ITGA9: variants seen among roughly 807,000 people sequenced by gnomAD.
ITGA9 encodes the protein integrin subunit alpha 9.
ITGA9 carries 56 observed loss-of-function variants against 127.8 expected under a neutral mutation model. That is an observed-to-expected ratio of 0.44 (90% CI 0.35 to 0.55). ITGA9 has a LOEUF of 0.55. Among genes scored for constraint, ITGA9 ranks in the 20% least tolerant of loss-of-function variants. The pLI is 0.00. For synonymous variants in ITGA9, 508 were observed against 514.5 expected, an observed-to-expected ratio of 0.99 and a Z score of 0.17; for missense variants, 1,196 against 1,347.1, an observed-to-expected ratio of 0.89 and a Z score of 1.76.
intron 23 of ITGA9, among the ~76,000 whole-genome samples, chr3:37,763,347 A>C (rs190892497): frequency 2.0e-5 from 3 of 152,270 alleles, no homozygotes; most frequent in African/African-American, 7.2e-5. Context: ...TGCAATGAGA[A>C]TTTCTTTGCC....
chr3:37,571,219 C>T (rs1469529560), intron 15 of ITGA9, among the ~76,000 whole-genome samples: 4 of 146,280 alleles, frequency 2.7e-5, no homozygotes, highest in Non-Finnish European at 6.2e-5. Flanking sequence ...GGCAGCGTAT[C>T]ACACACTAGT....
chr3:37,764,170 A>G, intron 23 of ITGA9, among the ~76,000 whole-genome samples: 1 of 152,138 alleles, frequency 6.6e-6, no homozygotes, highest in East Asian at 1.9e-4. Flanking sequence ...AGAGAAGTTG[A>G]GCTATTACCT....
At chr3:37,571,687 C>T (rs1283139376) in intron 15 of ITGA9, among the ~76,000 whole-genome samples, 8 of 152,128 alleles carry the variant, frequency 5.3e-5, no homozygotes, top group Non-Finnish European at 1.0e-4. Context: ...CCTGGGACCA[C>T]ACTCTGAGAT....
At chr3:37,748,255 C>G (rs1387871364) in intron 22 of ITGA9, 1 of 492,366 alleles carries the variant, frequency 2.0e-6, no homozygotes, top group East Asian at 4.9e-5. Flanking sequence ...GGGTACTGTT[C>G]AAAAAGGAAG....
At chr3:37,515,348 G>C (rs1478448299) in intron 9 of ITGA9, among the ~76,000 whole-genome samples, 1 of 152,206 alleles carries the variant, frequency 6.6e-6, no homozygotes, top group Non-Finnish European at 1.5e-5. Flanking sequence ...TCCCAGTTGG[G>C]AGAGGGCAGA....
intron 18 of ITGA9, among the ~76,000 whole-genome samples, chr3:37,711,381 T>A (rs1288596750): frequency 1.3e-5 from 2 of 152,158 alleles, no homozygotes; most frequent in Admixed American, 6.5e-5. Context: ...TTCCATGACC[T>A]CTCAGAAGTC....
intron 1 of ITGA9, among the ~76,000 whole-genome samples, chr3:37,458,216 G>T (rs1265409233): frequency 6.6e-6 from 1 of 152,204 alleles, no homozygotes; most frequent in Non-Finnish European, 1.5e-5. Context: ...GGGGAACTGA[G>T]GCTTACAGAG....
chr3:37,549,579 A>G (rs548283089), intron 15 of ITGA9, among the ~76,000 whole-genome samples: 1 of 152,292 alleles, frequency 6.6e-6, no homozygotes, highest in South Asian at 2.1e-4. Flanking sequence ...CCCTTTTAAC[A>G]CTGGTATTCT....
chr3:37,526,046 A>G lies in ITGA9; in HGVS notation c.1348A>G (p.Met450Val), dbSNP rs1410303150. 1 of 1,614,050 alleles carries G rather than the reference A, an allele frequency of 6.2e-7. No homozygotes were observed. Among genetic ancestry groups the G allele is most frequent in the Admixed American group, 1.7e-5 (1 of 60,014 alleles). ...GYPDVTVGAF[M>V]SDSVVLLRAR... ...TTCAGATGTCACTGTTGGAGCCTTC[A>G]TGTCCGACAGCGTGGTTCTTCTCAG... The change falls in exon 13 of 28, where the codon ATG becomes GTG. Residue 450 changes from methionine to valine, a missense_variant. Met to Val is a conservative substitution (Grantham distance 21). Coordinates refer to ENST00000264741, the MANE Select transcript of ITGA9 (RefSeq NM_002207.3).
intron 15 of ITGA9, among the ~76,000 whole-genome samples, chr3:37,572,754 T>C (rs75190749): frequency 0.017 from 2,639 of 152,288 alleles, 76 homozygotes; most frequent in African/African-American, 0.058. Context: ...ATGCTAACAG[T>C]GTACATTCTA....
At chr3:37,571,987 C>T (rs1304681275) in intron 15 of ITGA9, among the ~76,000 whole-genome samples, 1 of 151,934 alleles carries the variant, frequency 6.6e-6, no homozygotes, top group Non-Finnish European at 1.5e-5. Flanking sequence ...GAATTCTGGG[C>T]TAGTGGGGAT....
chr3:37,695,665 G>A (rs1700877742), intron 18 of ITGA9, among the ~76,000 whole-genome samples: 1 of 152,204 alleles, frequency 6.6e-6, no homozygotes, highest in African/African-American at 2.4e-5. Flanking sequence ...TGTGATGTGT[G>A]GTGGCCTCTG....
chr3:37,667,303 C>A (rs1260973521), intron 17 of ITGA9, among the ~76,000 whole-genome samples: 1 of 152,168 alleles, frequency 6.6e-6, no homozygotes, highest in Non-Finnish European at 1.5e-5. Flanking sequence ...CTATTGCATT[C>A]GTCTGGACCC....
intron 23 of ITGA9, among the ~76,000 whole-genome samples, chr3:37,777,111 T>C (rs1696917209): frequency 6.6e-6 from 1 of 152,244 alleles, no homozygotes; most frequent in South Asian, 2.1e-4. Context: ...AGGCTTATTT[T>C]ACTCCTTAAG....
At chr3:37,549,609 T>A (rs1699360714) in intron 15 of ITGA9, among the ~76,000 whole-genome samples, 1 of 152,246 alleles carries the variant, frequency 6.6e-6, no homozygotes, top group Non-Finnish European at 1.5e-5. Flanking sequence ...CACATGATAA[T>A]GTGTTCTGTT....
chr3:37,726,456 T>G (rs1008871198), intron 18 of ITGA9, among the ~76,000 whole-genome samples: 4 of 152,226 alleles, frequency 2.6e-5, no homozygotes, highest in African/African-American at 9.6e-5. Flanking sequence ...CGTGGTCAAG[T>G]AAGGCCAGAG....
chr3:37,668,951 C>T (rs1417128347), intron 17 of ITGA9, among the ~76,000 whole-genome samples: 1 of 152,196 alleles, frequency 6.6e-6, no homozygotes, highest in Non-Finnish European at 1.5e-5. Flanking sequence ...TGTAGAAAAC[C>T]TCTAGATTTT....
chr3:37,628,233 G>T (rs1253189883), intron 15 of ITGA9, among the ~76,000 whole-genome samples: 1 of 152,142 alleles, frequency 6.6e-6, no homozygotes, highest in Non-Finnish European at 1.5e-5. Flanking sequence ...GACTTGCCCT[G>T]CTCCACTTGG....
At chr3:37,472,285 A>G (rs752029259) in intron 2 of ITGA9, among the ~76,000 whole-genome samples, 7 of 152,180 alleles carry the variant, frequency 4.6e-5, no homozygotes, top group South Asian at 2.1e-4. Context: ...AGTACACAGA[A>G]CTGTGCTTGG....
Sources: gnomAD v4.1 joint callset for allele counts (sites outside exome capture counted in the v4.1 genomes callset) on GRCh38, gnomAD v4.1.1 for gene constraint, MANE v1.5 for transcripts, NCBI Gene and HGNC (gene_info 2026-07-23, HGNC 2026-07-21) for gene names.